The following SIMC1 variants were observed in gnomAD, a reference collection of about 807,000 sequenced individuals.
SIMC1 encodes SUMO interacting motifs containing 1.
In SIMC1, 55 loss-of-function variants were observed where a neutral mutation model predicts 82.3. The observed-to-expected ratio is 0.67, with a 90% CI of 0.54 to 0.84. The LOEUF (loss-of-function observed/expected upper bound fraction) is 0.84, where lower values mean the gene tolerates loss of function less well. SIMC1 is among the 40% of genes least tolerant of loss of function. The pLI, the probability that SIMC1 is intolerant of heterozygous loss-of-function variation, is 0.00. For missense variants in SIMC1, 915 were observed against 1,107.2 expected, an observed-to-expected ratio of 0.83 and a Z score of 2.46; for synonymous variants, 353 against 426.3, an observed-to-expected ratio of 0.83 and a Z score of 2.12.
intron 1 of SIMC1, among the ~76,000 whole-genome samples, chr5:176,263,739 C>A (rs566807540): frequency 6.6e-6 from 1 of 152,262 alleles, no homozygotes; most frequent in South Asian, 2.1e-4. Context: ...AATGTCATAT[C>A]CTTCTCACAT....
At chr5:176,339,293 G>A (rs1224797163) in intron 9 of SIMC1, among the ~76,000 whole-genome samples, 3 of 152,158 alleles carry the variant, frequency 2.0e-5, no homozygotes, top group African/African-American at 7.2e-5. Context: ...GAACCCGGGA[G>A]GTGGAGGTTG....
chr5:176,302,512 T>C (rs1764083608), intron 4 of SIMC1, among the ~76,000 whole-genome samples: 1 of 152,204 alleles, frequency 6.6e-6, no homozygotes, highest in East Asian at 1.9e-4. Flanking sequence ...GTGCCTGCTC[T>C]TGCCACTTCT....
intron 1 of SIMC1, among the ~76,000 whole-genome samples, chr5:176,279,817 G>C (rs1430249311): frequency 6.6e-6 from 1 of 152,010 alleles, no homozygotes; most frequent in Non-Finnish European, 1.5e-5. Context: ...GTTCTAGTTT[G>C]ATTGCACTGT....
chr5:176,294,227 T>G (rs149838180), intron 2 of SIMC1, among the ~76,000 whole-genome samples: 1 of 152,320 alleles, frequency 6.6e-6, no homozygotes, highest in East Asian at 1.9e-4. Flanking sequence ...AATTCTGATT[T>G]TTTAACTTTA....
At chr5:176,304,877 G>C (rs951074373) in intron 4 of SIMC1, among the ~76,000 whole-genome samples, 3 of 144,944 alleles carry the variant, frequency 2.1e-5, no homozygotes, top group Non-Finnish European at 3.0e-5. Context: ...GCCTGGCCGA[G>C]ACCCCGTCTG....
At chr5:176,298,258 T>C (rs1763904334) in intron 4 of SIMC1, among the ~76,000 whole-genome samples, 1 of 152,220 alleles carries the variant, frequency 6.6e-6, no homozygotes, top group African/African-American at 2.4e-5. Flanking sequence ...ACCTTGGCTC[T>C]TCCCTTGGGC....
intron 1 of SIMC1, among the ~76,000 whole-genome samples, chr5:176,249,895 G>C (rs1304510409): frequency 6.7e-6 from 1 of 148,912 alleles, no homozygotes; most frequent in African/African-American, 2.5e-5. Flanking sequence ...TTTTTTGAAG[G>C]GTTTTTCATG....
At chr5:176,303,436 C>T (rs972492886) in intron 4 of SIMC1, among the ~76,000 whole-genome samples, 3 of 151,708 alleles carry the variant, frequency 2.0e-5, no homozygotes, top group African/African-American at 7.3e-5. Flanking sequence ...TAAGCGATGC[C>T]TCAGCTTCCC....
intron 4 of SIMC1, among the ~76,000 whole-genome samples, chr5:176,309,996 A>T (rs528094179): frequency 7.2e-5 from 11 of 152,330 alleles, no homozygotes; most frequent in African/African-American, 2.6e-4. Context: ...AATGGGCAAA[A>T]GACGTGAATA....
At chr5:176,278,358 A>G (rs1255581514) in intron 1 of SIMC1, among the ~76,000 whole-genome samples, 3 of 26,328 alleles carry the variant, frequency 1.1e-4, no homozygotes, top group South Asian at 1.4e-3. Context: ...GGCTGAGACA[A>G]TGGGGTTTTC....
intron 7 of SIMC1, among the ~76,000 whole-genome samples, chr5:176,325,755 G>A (rs1366967170): frequency 2.0e-5 from 3 of 151,994 alleles, no homozygotes; most frequent in Admixed American, 6.6e-5. Flanking sequence ...TAACTGTTAA[G>A]CCCTGCCTTC....
At chr5:176,328,373 A>G (rs1167830199) in intron 7 of SIMC1, among the ~76,000 whole-genome samples, 1 of 152,170 alleles carries the variant, frequency 6.6e-6, no homozygotes, top group East Asian at 1.9e-4. Context: ...GCTTACATAC[A>G]GAGAGTGGGT....
At chr5:176,276,386 G>C (rs1200860344) in intron 1 of SIMC1, among the ~76,000 whole-genome samples, 1 of 151,032 alleles carries the variant, frequency 6.6e-6, no homozygotes, top group Non-Finnish European at 1.5e-5. Context: ...AGTCTTGCTA[G>C]CGGTCTATCA....
At chr5:176,325,520 C>T (rs1765354429) in intron 7 of SIMC1, among the ~76,000 whole-genome samples, 1 of 152,012 alleles carries the variant, frequency 6.6e-6, no homozygotes, top group African/African-American at 2.4e-5. Context: ...CCCGTCTCTA[C>T]TAAAAATACA....
chr5:176,245,399 G>A (rs1761403949), intron 1 of SIMC1, among the ~76,000 whole-genome samples: 1 of 152,172 alleles, frequency 6.6e-6, no homozygotes, highest in Non-Finnish European at 1.5e-5. Flanking sequence ...AGAGAACGTG[G>A]CTCTGTAGAC....
intron 1 of SIMC1, among the ~76,000 whole-genome samples, chr5:176,273,907 T>C (rs1285236703): frequency 2.2e-4 from 33 of 151,940 alleles, no homozygotes; most frequent in Non-Finnish European, 3.2e-4. Flanking sequence ...TCTATCATTG[T>C]TGGACATTTG....
intron 1 of SIMC1, among the ~76,000 whole-genome samples, chr5:176,281,916 C>T (rs1369722186): frequency 2.6e-5 from 4 of 152,232 alleles, no homozygotes; most frequent in Non-Finnish European, 5.9e-5. Flanking sequence ...TGCCCGTTCT[C>T]AGATCTCCAG....
chr5:176,313,232 CAT>C, intron 4 of SIMC1: 9 of 1,320,626 alleles, frequency 6.8e-6, no homozygotes, highest in Non-Finnish European at 8.9e-6. Flanking sequence ...GCACAGGAGT[CAT>C]TAAAGAACCA....
intron 1 of SIMC1, among the ~76,000 whole-genome samples, chr5:176,268,605 AAG>A (rs1762299204): frequency 6.6e-6 from 1 of 152,202 alleles, no homozygotes; most frequent in Non-Finnish European, 1.5e-5. Flanking sequence ...ATAATGATAA[AAG>A]AGTTAATACA....
Sources: allele counts gnomAD v4.1 joint callset (sites outside exome capture counted in the v4.1 genomes callset), GRCh38; gene constraint gnomAD v4.1.1; transcripts MANE v1.5; gene names NCBI Gene and HGNC (gene_info 2026-07-23, HGNC 2026-07-21).